IQSEC1: variants seen among roughly 807,000 people sequenced by gnomAD.
IQSEC1 encodes IQ motif and Sec7 domain ArfGEF 1.
Under a neutral mutation model 91.0 loss-of-function variants are expected in IQSEC1, and 31 were observed. The observed-to-expected ratio is 0.34, with a 90% CI of 0.26 to 0.46. IQSEC1 has a LOEUF of 0.46. Among genes scored for constraint, IQSEC1 ranks in the 20% least tolerant of loss-of-function variants. The pLI, the probability that IQSEC1 is intolerant of heterozygous loss-of-function variation, is 1.00. For synonymous variants in IQSEC1, 699 were observed against 662.6 expected (o/e 1.05, Z -0.84); for missense variants, 1,388 against 1,575.6 (o/e 0.88, Z 2.02).
chr3:13,261,696 T>A (rs1695390589), intron 1 of IQSEC1, among the ~76,000 whole-genome samples: 1 of 152,054 alleles, frequency 6.6e-6, no homozygotes, highest in South Asian at 2.1e-4. Context: ...CCTGAGAGCT[T>A]ACAGAGTTGA....
In IQSEC1 at chr3:12,898,676, C is replaced by T. The variant is rs1191267379; in HGVS notation, c.*2307G>A. On this transcript the variant is annotated 3_prime_UTR_variant, in exon 14 of 14. Transcript: ENST00000613206. ...TAAAGGTTACAGTTAGACTCTCCTC[C>T]CAGCACAGAAGAGGGTGAGAAAAGC... 1 of 152,278 alleles carries T rather than the reference C, an allele frequency of 6.6e-6. No individual in the cohort carries two copies. Among genetic ancestry groups the T allele is most frequent in the East Asian group, 1.9e-4 (1 of 5,198 alleles). 9.4% of individuals were successfully genotyped at this position (152,278 alleles called of 1,614,324 possible).
chr3:12,916,671 A>AATGAG (rs1696123099), intron 6 of IQSEC1, among the ~76,000 whole-genome samples: 1 of 152,164 alleles, frequency 6.6e-6, no homozygotes, highest in Non-Finnish European at 1.5e-5. Context: ...GCATTTGGGG[A>AATGAG]ACTTATCCCA....
rs112492348 is a variant in IQSEC1 at position 13,216,203 on chromosome 3, G to A, written c.273-52070C>T. 4.8e-3 allele frequency among the ~76,000 whole-genome samples: 728 copies of A among 152,362 alleles called. 5 individuals carry two copies. The highest frequency in any genetic ancestry group is 0.017 in the African/African-American group (692 of 41,584). The stretch of plus-strand genomic sequence containing the variant: ...GATTGGCAGTGACCAATTGCTCAAC[G>A]GTAGGAGGTTGCATATGTAATAACA... On this transcript the variant is annotated intron_variant, in intron 1 of 15. Coordinates refer to the IQSEC1 transcript ENST00000648114.
intron 1 of IQSEC1, among the ~76,000 whole-genome samples, chr3:13,179,273 G>A (rs892040363): frequency 6.6e-6 from 1 of 152,164 alleles, no homozygotes; most frequent in Non-Finnish European, 1.5e-5. Flanking sequence ...AACAGCAGAA[G>A]CCCTGGCATA....
chr3:13,020,415 T>C (rs773478014), intron 1 of IQSEC1, among the ~76,000 whole-genome samples: 9 of 152,340 alleles, frequency 5.9e-5, no homozygotes, highest in South Asian at 2.1e-4. Flanking sequence ...AGACCCGCCA[T>C]TGAGGCTGAG....
intron 1 of IQSEC1, among the ~76,000 whole-genome samples, chr3:13,014,598 G>A (rs914344502): frequency 1.3e-5 from 2 of 152,188 alleles, no homozygotes; most frequent in African/African-American, 4.8e-5. Context: ...CTGCCCCCAA[G>A]AGCCAGGGCT....
intron 6 of IQSEC1, among the ~76,000 whole-genome samples, chr3:12,918,954 G>A (rs1696358626): frequency 1.3e-5 from 2 of 152,262 alleles, no homozygotes; most frequent in South Asian, 4.2e-4. Context: ...ACTCCCCCTG[G>A]GCTGCCAATA....
intron 1 of IQSEC1, among the ~76,000 whole-genome samples, chr3:13,271,268 T>A (rs1349633127): frequency 6.6e-6 from 1 of 152,002 alleles, no homozygotes. Flanking sequence ...TCCCAGCTAC[T>A]CGGGAGGCTG....
chr3:13,135,442 T>C (rs949810326), intron 2 of IQSEC1, among the ~76,000 whole-genome samples: 2 of 152,096 alleles, frequency 1.3e-5, no homozygotes, highest in African/African-American at 4.8e-5. Context: ...GGCGGCCACC[T>C]CTCCTCTGGG....
At chr3:13,004,169 C>T (rs1702538447) in intron 1 of IQSEC1, among the ~76,000 whole-genome samples, 1 of 152,148 alleles carries the variant, frequency 6.6e-6, no homozygotes, top group East Asian at 1.9e-4. Context: ...GAACAGAGTT[C>T]CTAGAGAGGG....
intron 2 of IQSEC1, among the ~76,000 whole-genome samples, chr3:13,107,474 A>G (rs9846281): frequency 0.11 from 17,087 of 152,196 alleles, 1,079 homozygotes; most frequent in Middle Eastern, 0.22. Flanking sequence ...TCATCTCCAT[A>G]TTACACATGG....
intron 1 of IQSEC1, among the ~76,000 whole-genome samples, chr3:12,991,656 G>C (rs1482549774): frequency 2.0e-5 from 3 of 152,214 alleles, no homozygotes; most frequent in Admixed American, 2.0e-4. Flanking sequence ...CCCAGTGATG[G>C]GCAGCTTCCT....
At chr3:13,144,954 C>T (rs571517184) in intron 2 of IQSEC1, among the ~76,000 whole-genome samples, 68 of 152,336 alleles carry the variant, frequency 4.5e-4, no homozygotes, top group Admixed American at 8.5e-4. Context: ...ACTGAAGGCC[C>T]ACTGTGGGCA....
At chr3:13,281,048 C>T (rs1455976769) in intron 1 of IQSEC1, among the ~76,000 whole-genome samples, 1 of 152,238 alleles carries the variant, frequency 6.6e-6, no homozygotes, top group Non-Finnish European at 1.5e-5. Context: ...CCAGGGGTGA[C>T]GCTGAAGGGA....
chr3:12,945,287 G>A (rs977164111), intron 1 of IQSEC1, among the ~76,000 whole-genome samples: 1 of 151,996 alleles, frequency 6.6e-6, no homozygotes, highest in Non-Finnish European at 1.5e-5. Context: ...GGCACTCCTG[G>A]GTTCCTGGCT....
chr3:13,164,592 A>ACG (rs1447298532), intron 1 of IQSEC1, among the ~76,000 whole-genome samples: 1 of 152,200 alleles, frequency 6.6e-6, no homozygotes, highest in Non-Finnish European at 1.5e-5. Flanking sequence ...TTTCCCCAGA[A>ACG]CCAGCTCTAT....
At chr3:13,199,618 T>G (rs74390329) in intron 1 of IQSEC1, among the ~76,000 whole-genome samples, 16,660 of 152,102 alleles carry the variant, frequency 0.11, 1,896 homozygotes, top group East Asian at 0.3. Flanking sequence ...TCCTTCAGTG[T>G]ACTTTTCAGG....
chr3:13,197,138 T>C (rs573743530), intron 1 of IQSEC1, among the ~76,000 whole-genome samples: 3 of 152,310 alleles, frequency 2.0e-5, no homozygotes, highest in Admixed American at 2.0e-4. Flanking sequence ...TAGCTTTGTC[T>C]GCCTCTCCAG....
chr3:13,283,233 G>A (rs1169715196), exon 1 of IQSEC1, among the ~76,000 whole-genome samples: 4 of 149,662 alleles, frequency 2.7e-5, no homozygotes. Context: ...CGGCCGCAGC[G>A]GGCAGGCGAG....
Sources: allele counts gnomAD v4.1 joint callset (sites outside exome capture counted in the v4.1 genomes callset), GRCh38; gene constraint gnomAD v4.1.1; transcripts MANE v1.5; gene names NCBI Gene and HGNC (gene_info 2026-07-23, HGNC 2026-07-21).